The following XRN1 variants were observed in gnomAD, a reference collection of about 807,000 sequenced individuals.
XRN1 encodes the protein strand-exchange protein 1 homolog.
A neutral mutation model predicts 222.3 loss-of-function variants in XRN1; 67 were observed. The ratio of observed to expected loss-of-function variants is 0.30; its 90% CI spans 0.25 to 0.37. The LOEUF is 0.37. Among genes scored for constraint, XRN1 ranks in the 10% least tolerant of loss-of-function variants. The pLI, the probability that XRN1 is intolerant of heterozygous loss-of-function variation, is 1.00. For missense variants in XRN1, 1,707 were observed against 2,000.2 expected (o/e 0.85, Z 2.80); for synonymous variants, 643 against 652.4 (o/e 0.99, Z 0.22).
intron 31 of XRN1, 33 bp downstream of exon 31, chr3:142,356,879 G>C (rs748479291): frequency 1.3e-6 from 2 of 1,581,632 alleles, no homozygotes; most frequent in African/African-American, 2.7e-5. Context: ...TTGTAAAAGG[G>C]GTAGAGGAGA....
At chr3:142,416,129 G>A (rs2068777077) in intron 13 of XRN1, among the ~76,000 whole-genome samples, 1 of 151,314 alleles carries the variant, frequency 6.6e-6, no homozygotes, top group South Asian at 2.1e-4. Flanking sequence ...CACCTTTCTA[G>A]CCCTTCCTAG....
intron 33 of XRN1, among the ~76,000 whole-genome samples, chr3:142,341,472 T>A (rs1210739595): frequency 6.6e-6 from 1 of 150,426 alleles, no homozygotes; most frequent in African/African-American, 2.4e-5. Context: ...TAAATAATAA[T>A]AAAAGGAAGA....
In XRN1 at chr3:142,307,827, G is replaced by C. The variant is rs2064999714; in HGVS notation, c.*3684C>G. 1 of 152,190 alleles carries C rather than the reference G, an allele frequency of 6.6e-6. No homozygotes were observed. Among genetic ancestry groups the C allele is most frequent in the South Asian group, 2.1e-4 (1 of 4,834 alleles). The allele number at this position is 152,190 out of a possible 1,614,324, so 9.4% of individuals were successfully genotyped here. A position where few individuals can be genotyped will look rare whatever the true frequency, so the allele number is the denominator to read the frequency against. The stretch of plus-strand genomic sequence containing the variant: ...AAAATGTATATACTGAGCACTGCCA[G>C]TTTGAGTACTATAATTTATCTCTAG... On this transcript the variant is annotated 3_prime_UTR_variant, in exon 41 of 41. Transcript: ENST00000392981.
intron 39 of XRN1, among the ~76,000 whole-genome samples, chr3:142,316,217 T>C (rs981814098): frequency 1.0e-4 from 15 of 145,722 alleles, no homozygotes; most frequent in Admixed American, 3.4e-4. Flanking sequence ...TTATCTTCTT[T>C]TTTTTTTTTT....
chr3:142,414,447 G>C, intron 13 of XRN1, 156 bp from the exon 14 acceptor site: 2 of 544,350 alleles, frequency 3.7e-6, no homozygotes, highest in Non-Finnish European at 2.8e-6. Flanking sequence ...GAAATTAGCA[G>C]TGTTGGAAAA....
chr3:142,344,098 G>A (rs924617801), intron 33 of XRN1, among the ~76,000 whole-genome samples: 1 of 151,828 alleles, frequency 6.6e-6, no homozygotes, highest in Non-Finnish European at 1.5e-5. Context: ...AAGAGTAGTG[G>A]GGGGGAGGGG....
At chr3:142,340,306 G>A (rs1322188022) in intron 33 of XRN1, among the ~76,000 whole-genome samples, 1 of 151,926 alleles carries the variant, frequency 6.6e-6, no homozygotes, top group Non-Finnish European at 1.5e-5. Context: ...GGTGAGCTGA[G>A]ATTGCACCAC....
chr3:142,421,089 T>A lies in XRN1; in HGVS notation c.1100A>T (p.Asn367Ile). Residue 367 changes from asparagine to isoleucine, a missense_variant, in exon 10 of 41, where the codon AAC becomes ATC. Asn to Ile is a moderately radical substitution (Grantham distance 149). Coordinates refer to ENST00000392981, the MANE Select transcript of XRN1 (RefSeq NM_001282857.2). ...DLKWFESKVG[N>I]KYLNEAAGVA... ...ACCTGCTGCTTCATTGAGGTACTTG[T>A]TACCAACTTTGCTTTCAAACCATTT... is the stretch of plus-strand genomic sequence containing the variant. 6.2e-7 allele frequency: 1 copy of A among 1,614,070 alleles called. No homozygotes were observed. Among genetic ancestry groups the A allele is most frequent in the African/African-American group, 1.3e-5 (1 of 75,054 alleles).
Position 142,424,827 on chromosome 3 carries a change from G to A in XRN1, c.627+395C>T, listed in dbSNP as rs1416219483. 2.7e-5 allele frequency among the ~76,000 whole-genome samples: 4 copies of A among 148,840 alleles called. No homozygotes were observed. The South Asian group carries it at 6.6e-4, about 24-fold the overall frequency. ...TCATTATATTACCTTTTCTATTTTT[G>A]TTTATGCTTGAAAATTTCCATAATA... On this transcript the variant is annotated intron_variant, in intron 5 of 40. Coordinates refer to ENST00000392981, the MANE Select transcript of XRN1 (RefSeq NM_001282857.2).
chr3:142,365,470 G>A, intron 27 of XRN1, 104 bp from the exon 28 acceptor site: 3 of 799,254 alleles, frequency 3.8e-6, no homozygotes, highest in Non-Finnish European at 5.4e-6. Flanking sequence ...GCCAAATGAA[G>A]AGATTAATTT....
At chr3:142,350,881 T>C (rs1246018271) in intron 32 of XRN1, among the ~76,000 whole-genome samples, 1 of 152,088 alleles carries the variant, frequency 6.6e-6, no homozygotes, top group African/African-American at 2.4e-5. Context: ...GAGTTCAATT[T>C]TGGACATGGT....
At chr3:142,327,216 T>C (rs1158600017) in intron 37 of XRN1, among the ~76,000 whole-genome samples, 3 of 152,138 alleles carry the variant, frequency 2.0e-5, no homozygotes, top group East Asian at 1.9e-4. Context: ...CAGAATTCAG[T>C]AGCGAAAACA....
intron 27 of XRN1, 60 bp from the exon 28 acceptor site, chr3:142,365,426 T>C: frequency 8.0e-7 from 1 of 1,242,360 alleles, no homozygotes; most frequent in Non-Finnish European, 1.1e-6. Context: ...AATCACTACC[T>C]ACTCACTACT....
In XRN1 at chr3:142,448,028, C is replaced by G; in HGVS notation, c.-84G>C. On this transcript the variant is annotated 5_prime_UTR_variant, in exon 1 of 41. Transcript: ENST00000392981. ...GCTCCGCCGCAGCCTCCGGTCGTCG[C>G]TCCGCGGATGACAACACACCGCCCG... The G allele has an allele frequency of 1.4e-6, 2 of 1,455,068 alleles. No individual in the cohort carries two copies. The highest frequency in any genetic ancestry group is 1.9e-6 in the Non-Finnish European group (2 of 1,046,322). The allele number at this position is 1,455,068 out of a possible 1,614,324, so 90.1% of individuals were successfully genotyped here. A position where few individuals can be genotyped will look rare whatever the true frequency, so the allele number is the denominator to read the frequency against.
At chr3:142,385,814 A>G (rs979728276) in intron 20 of XRN1, among the ~76,000 whole-genome samples, 5 of 152,014 alleles carry the variant, frequency 3.3e-5, no homozygotes, top group African/African-American at 1.2e-4. Context: ...TACTGAAGGA[A>G]TTCCTAAGGT....
At chr3:142,426,955 C>A in intron 2 of XRN1, 114 bp from the exon 3 acceptor site, 1 of 709,228 alleles carries the variant, frequency 1.4e-6, no homozygotes, top group South Asian at 1.9e-5. Context: ...CCAGTTTTAA[C>A]GTTCAAAACA....
chr3:142,329,664 C>T (rs2065635599), intron 36 of XRN1, 49 bp from the exon 37 acceptor site: 2 of 1,490,168 alleles, frequency 1.3e-6, no homozygotes, highest in South Asian at 2.8e-5. Flanking sequence ...AATACTATCT[C>T]AAATTATGCA....
intron 20 of XRN1, among the ~76,000 whole-genome samples, chr3:142,387,576 TTTCCCA>T: frequency 6.6e-6 from 1 of 152,216 alleles, no homozygotes; most frequent in Non-Finnish European, 1.5e-5. Flanking sequence ...AATTTTTCTG[TTTCCCA>T]GTACATACCA....
In XRN1 at chr3:142,427,755, G is replaced by T. The variant is rs375262826; in HGVS notation, c.309-914C>A. On this transcript the variant is annotated intron_variant, in intron 2 of 40. Coordinates refer to ENST00000392981, the MANE Select transcript of XRN1 (RefSeq NM_001282857.2). ...CAGGCAAACCTGGATTTGAATATGGGTGTCCTACTACCTGCCTGACTTCTA... is the reference window on the plus strand; with the variant it reads ...CAGGCAAACCTGGATTTGAATATGGTTGTCCTACTACCTGCCTGACTTCTA... Among the ~76,000 whole-genome samples the T allele has an allele frequency of 7.2e-5, 11 of 152,286 alleles. No homozygotes were observed. In the South Asian group the frequency reaches 1.2e-3, roughly 17 times the overall value.
Sources: allele counts gnomAD v4.1 joint callset (sites outside exome capture counted in the v4.1 genomes callset), GRCh38; gene constraint gnomAD v4.1.1; transcripts MANE v1.5; gene names NCBI Gene and HGNC (gene_info 2026-07-23, HGNC 2026-07-21).